The following MTMR7 variants were observed in gnomAD, a reference collection of about 807,000 sequenced individuals.
MTMR7 encodes phosphatidylinositol-3-phosphate phosphatase MTMR7.
MTMR7 carries 76 observed loss-of-function variants against 81.2 expected under a neutral mutation model. The ratio of observed to expected loss-of-function variants is 0.94; its 90% CI spans 0.78 to 1.13. The LOEUF is 1.13. Among genes scored for constraint, MTMR7 ranks in the 50% most tolerant of loss-of-function variants. The probability of loss-of-function intolerance (pLI) is 0.00; values close to 1 mark genes in which losing one functional copy is unlikely to be tolerated. For missense variants in MTMR7, 1,044 were observed against 820.0 expected, an observed-to-expected ratio of 1.27 and a Z score of -3.34; for synonymous variants, 372 against 289.8, an observed-to-expected ratio of 1.28 and a Z score of -2.88.
intron 7 of MTMR7, among the ~76,000 whole-genome samples, chr8:17,316,711 G>A (rs183747529): frequency 6.6e-6 from 1 of 152,196 alleles, no homozygotes; most frequent in Admixed American, 6.5e-5. Flanking sequence ...CCAGTGTAAC[G>A]ACTATTTACA....
chr8:17,403,713 C>A (rs765677792), intron 1 of MTMR7, among the ~76,000 whole-genome samples: 30 of 152,184 alleles, frequency 2.0e-4, no homozygotes, highest in Non-Finnish European at 4.1e-4. Flanking sequence ...CATGGAATAT[C>A]TTTTCAGTTT....
At chr8:17,340,433 G>A (rs908193609) in intron 6 of MTMR7, among the ~76,000 whole-genome samples, 9 of 152,222 alleles carry the variant, frequency 5.9e-5, no homozygotes, top group Non-Finnish European at 1.2e-4. Flanking sequence ...CAAATAAGCT[G>A]ACTAAGGGAC....
chr8:17,307,012 T>G (rs13274064), intron 10 of MTMR7, among the ~76,000 whole-genome samples: 2 of 151,966 alleles, frequency 1.3e-5, no homozygotes, highest in Admixed American at 6.6e-5. Context: ...CCAAAAGCAA[T>G]GGCAGCAAAA....
intron 13 of MTMR7, among the ~76,000 whole-genome samples, chr8:17,300,846 T>C (rs982657584): frequency 6.6e-6 from 1 of 152,258 alleles, no homozygotes; most frequent in African/African-American, 2.4e-5. Context: ...CTAGATGTTT[T>C]ATATAAATTG....
At position 17,311,287 on chromosome 8, in the gene MTMR7, C is replaced by T. The variant is rs1170764291; in HGVS notation, c.1101+224G>A. ...CCCAAAACTCATTCAGTAGCATTGA[C>T]TTGAAATGGTTTCAATATCCCAGAA... On this transcript the variant is annotated intron_variant, in intron 9 of 13. Coordinates refer to ENST00000180173, the MANE Select transcript of MTMR7 (RefSeq NM_004686.5). 2.0e-5 allele frequency among the ~76,000 whole-genome samples: 3 copies of T among 152,182 alleles called. No individual in the cohort carries two copies. In the East Asian group the frequency reaches 5.8e-4, roughly 29 times the overall value.
chr8:17,307,422 T>C (rs953307974), intron 10 of MTMR7, among the ~76,000 whole-genome samples: 2 of 152,116 alleles, frequency 1.3e-5, no homozygotes, highest in African/African-American at 4.8e-5. Context: ...ATAGGAACAC[T>C]TTTACACTGT....
At chr8:17,311,394 G>T in intron 9 of MTMR7, 117 bp downstream of exon 9, 3 of 1,334,092 alleles carry the variant, frequency 2.2e-6, no homozygotes, top group Non-Finnish European at 2.1e-6. Context: ...ATCTTGCTGA[G>T]CTACTAAAAG....
chr8:17,344,205 T>C lies in MTMR7; in HGVS notation c.598-2708A>G, dbSNP rs556980190. 7.2e-5 allele frequency among the ~76,000 whole-genome samples: 11 copies of C among 152,244 alleles called. No individual in the cohort carries two copies. In the South Asian group the frequency reaches 1.2e-3, roughly 17 times the overall value. Reference sequence around the variant, plus strand: ...TACTCAAAGTCACACAGTTAGTAAATAGGGAAGCCAAGATTTGAATCCAGA... The same window carrying C: ...TACTCAAAGTCACACAGTTAGTAAACAGGGAAGCCAAGATTTGAATCCAGA... On this transcript the variant is annotated intron_variant, in intron 5 of 13. Coordinates refer to ENST00000180173, the MANE Select transcript of MTMR7 (RefSeq NM_004686.5).
chr8:17,369,322 A>G (rs1820334368), intron 3 of MTMR7, among the ~76,000 whole-genome samples: 1 of 152,218 alleles, frequency 6.6e-6, no homozygotes, highest in South Asian at 2.1e-4. Flanking sequence ...AACTGCCTTT[A>G]AAGAGTAACA....
At chr8:17,363,955 G>C (rs1320220344) in intron 3 of MTMR7, among the ~76,000 whole-genome samples, 1 of 134,620 alleles carries the variant, frequency 7.4e-6, no homozygotes, top group African/African-American at 2.8e-5. Flanking sequence ...TTTGCTTACA[G>C]ACTTTTTAAT....
intron 1 of MTMR7, among the ~76,000 whole-genome samples, chr8:17,383,624 C>G (rs1820831883): frequency 6.6e-6 from 1 of 152,230 alleles, no homozygotes; most frequent in Non-Finnish European, 1.5e-5. Context: ...TCCATCGTCC[C>G]TGAGATTTCA....
chr8:17,310,905 G>A (rs1817745487), intron 9 of MTMR7, among the ~76,000 whole-genome samples: 4 of 152,000 alleles, frequency 2.6e-5, no homozygotes, highest in Admixed American at 2.6e-4. Context: ...ACCATCCCAG[G>A]CAACTATATA....
intron 7 of MTMR7, among the ~76,000 whole-genome samples, chr8:17,315,596 G>C (rs764804700): frequency 9.9e-5 from 15 of 152,106 alleles, no homozygotes; most frequent in Non-Finnish European, 2.9e-5. Context: ...CGTACCTTCT[G>C]CTCAATTTTG....
chr8:17,319,439 C>T (rs566400096), intron 7 of MTMR7, among the ~76,000 whole-genome samples: 3 of 152,046 alleles, frequency 2.0e-5, no homozygotes, highest in South Asian at 2.1e-4. Flanking sequence ...GCTGAAGCTC[C>T]GAAAAGTTAA....
chr8:17,361,120 G>A lies in MTMR7; in HGVS notation c.465C>T (p.Tyr155=), dbSNP rs1024355. Residue 155 remains tyrosine (Y), a synonymous_variant, in exon 4 of 14, where the codon TAC becomes TAT. Coordinates refer to ENST00000180173, the MANE Select transcript of MTMR7 (RefSeq NM_004686.5). Reference sequence around the variant, plus strand: ...TGTTTGGGTTTCACGCACTCACTCTGTAGTCTCTATTCACATCGCTGAGCT... The same window carrying A: ...TGTTTGGGTTTCACGCACTCACTCTATAGTCTCTATTCACATCGCTGAGCT... ...YWQLSDVNRD[Y]RVCDSYPTEL... 0.15 allele frequency: 242,223 copies of A among 1,613,648 alleles called. 21,455 individuals carry two copies. Among genetic ancestry groups the A allele is most frequent in the African/African-American group, 0.38 (28,788 of 74,914 alleles).
intron 4 of MTMR7, among the ~76,000 whole-genome samples, chr8:17,359,826 A>G (rs1002506814): frequency 1.1e-4 from 17 of 152,208 alleles, no homozygotes; most frequent in Non-Finnish European, 1.5e-4. Flanking sequence ...TGGTGAGGGT[A>G]TAAGGAATCA....
Position 17,331,273 on chromosome 8 carries a change from T to A in MTMR7, c.742A>T (p.Met248Leu). Residue 248 changes from methionine (M) to leucine (L), a missense_variant, in exon 7 of 14, where the codon ATG (methionine) becomes TTG (leucine). Coordinates refer to ENST00000180173, the MANE Select transcript of MTMR7 (RefSeq NM_004686.5). ...CCTTTCCCTGCAGCACGATTTGCCA[T>A]TGCATTAAGCTGCAGTGGTCAGCAA... ...VVDTRPKLNA[M>L]ANRAAGKGYE... is the part of the protein sequence containing the mutation. The A allele has an allele frequency of 6.2e-7, 1 of 1,606,606 alleles. No individual in the cohort carries two copies. Among genetic ancestry groups the A allele is most frequent in the Non-Finnish European group, 8.5e-7 (1 of 1,177,788 alleles).
intron 7 of MTMR7, among the ~76,000 whole-genome samples, chr8:17,327,088 C>T (rs1267937995): frequency 1.3e-5 from 2 of 152,168 alleles, no homozygotes; most frequent in Non-Finnish European, 2.9e-5. Context: ...TTTTTGCTTA[C>T]ATTATACATA....
At chr8:17,382,355 T>C (rs530408285) in intron 1 of MTMR7, among the ~76,000 whole-genome samples, 173 of 152,278 alleles carry the variant, frequency 1.1e-3, no homozygotes, top group Admixed American at 1.9e-3. Context: ...TCCTTCCCCA[T>C]CTCGAGCTCT....
Sources: gnomAD v4.1 joint callset for allele counts (sites outside exome capture counted in the v4.1 genomes callset) on GRCh38, gnomAD v4.1.1 for gene constraint, MANE v1.5 for transcripts, NCBI Gene and HGNC (gene_info 2026-07-23, HGNC 2026-07-21) for gene names.